Variants in CKMT1A observed in about 807,000 individuals in gnomAD.
The protein encoded by CKMT1A is creatine kinase, mitochondrial 1A.
CKMT1A carries 23 observed loss-of-function variants against 21.8 expected under a neutral mutation model. That is an observed-to-expected ratio of 1.05 (90% CI 0.76 to 1.49). CKMT1A has a LOEUF of 1.49. CKMT1A is among the 40% of genes most tolerant of loss of function. The pLI, the probability that CKMT1A is intolerant of heterozygous loss-of-function variation, is 0.00. For missense variants in CKMT1A, 154 were observed against 229.4 expected, an observed-to-expected ratio of 0.67 and a Z score of 2.12; for synonymous variants, 67 against 80.4, an observed-to-expected ratio of 0.83 and a Z score of 0.89.
intron 4 of CKMT1A, 59 bp downstream of exon 4, chr15:43,695,968 G>A: frequency 2.8e-6 from 1 of 356,734 alleles, no homozygotes; most frequent in Non-Finnish European, 4.8e-6. Flanking sequence ...TGGGCCAGAT[G>A]AGACATGGGC....
At chr15:43,697,594 G>C (rs1483785957) in intron 6 of CKMT1A, 1 of 984,060 alleles carries the variant, frequency 1.0e-6, no homozygotes, top group Non-Finnish European at 1.2e-6. Context: ...ACCTCTTCCT[G>C]GCAAAGCTTA....
At chr15:43,697,486 C>G in intron 6 of CKMT1A, 1 of 984,196 alleles carries the variant, frequency 1.0e-6, no homozygotes, top group Non-Finnish European at 1.2e-6. Context: ...TGCCTTCCCC[C>G]TGTCCCCTAT....
chr15:43,698,016 G>A lies in CKMT1A; in HGVS notation c.879G>A (p.Val293=). Residue 293 remains valine (V), a splice_region_variant and synonymous_variant, in exon 7 of 9, where the codon GTG becomes GTA. Coordinates refer to ENST00000413453, the MANE Select transcript of CKMT1A (RefSeq NM_001321926.2). Reference sequence around the variant, plus strand: ...TAATAAAAACTTTGTGGACTCAGGTGGAGAGACTTATCCAAGAACGTGGCT... The same window carrying A: ...TAATAAAAACTTTGTGGACTCAGGTAGAGAGACTTATCCAAGAACGTGGCT... ...FERFCRGLKE[V]ERLIQERGWE... The A allele has an allele frequency of 6.2e-7, 1 of 1,613,716 alleles. No individual in the cohort carries two copies. Among genetic ancestry groups the A allele is most frequent in the Non-Finnish European group, 8.5e-7 (1 of 1,179,808 alleles).
intron 6 of CKMT1A, 156 bp from the exon 7 acceptor site, chr15:43,697,858 A>G: frequency 1.0e-6 from 1 of 982,660 alleles, no homozygotes; most frequent in Non-Finnish European, 1.2e-6. Context: ...AACAATAACA[A>G]ACCTTTTTCA....
chr15:43,696,559 T>A (rs1230530506), intron 6 of CKMT1A, 196 bp downstream of exon 6: 3 of 815,864 alleles, frequency 3.7e-6, no homozygotes, highest in Non-Finnish European at 5.7e-6. Context: ...GTGGTCACAC[T>A]AAGATTAGGA....
chr15:43,698,096 T>C lies in CKMT1A; in HGVS notation c.959T>C (p.Leu320Pro). The change falls in exon 7 of 9, where the codon CTG (leucine) becomes CCG (proline). Residue 320 changes from leucine (L) to proline (P), a missense_variant. Physicochemically the swap from Leu to Pro is moderately conservative, Grantham distance 98. Coordinates refer to ENST00000413453, the MANE Select transcript of CKMT1A (RefSeq NM_001321926.2). ...TACATCTTGACCTGTCCATCTAACC[T>C]GGGCACTGGACTTCGGGCAGGAGTG... is the stretch of plus-strand genomic sequence containing the variant. The part of the protein sequence containing the change: ...LGYILTCPSN[L>P]GTGLRAGVHI... 2 of 1,613,046 alleles carry C rather than the reference T, an allele frequency of 1.2e-6. No individual in the cohort carries two copies. The highest frequency in any genetic ancestry group is 1.7e-6 in the Non-Finnish European group (2 of 1,179,278).
In CKMT1A at chr15:43,695,916, GC is replaced by G. The variant is rs1567142668; in HGVS notation, c.666+9del. On this transcript the variant is annotated splice_region_variant and intron_variant, in intron 4 of 8. Transcript: ENST00000413453. ...ACAGCAGCAGCTTATTGATGTGAGG[GC>G]CTTAAGAGGGTGCTGGTTGGTGGGA... is the stretch of plus-strand genomic sequence containing the variant. 1 of 273,048 alleles carries G rather than the reference GC, an allele frequency of 3.7e-6. No individual in the cohort carries two copies. The allele number at this position is 273,048 out of a possible 1,614,324, so 16.9% of individuals were successfully genotyped here. A position where few individuals can be genotyped will look rare whatever the true frequency, so the allele number is the denominator to read the frequency against.
Position 43,699,016 on chromosome 15 carries a change from T to C in CKMT1A, c.1181T>C (p.Ile394Thr), listed in dbSNP as rs753122921. 1.5e-5 allele frequency: 25 copies of C among 1,613,352 alleles called. No homozygotes were observed. The highest frequency in any genetic ancestry group is 1.2e-4 in the Admixed American group (7 of 59,952). Reference sequence around the variant, plus strand: ...GTCATCGATGGAGTAAACTATTTGATTGATTGTGAACGGCGTCTGGAGAGA... The same window carrying C: ...GTCATCGATGGAGTAAACTATTTGACTGATTGTGAACGGCGTCTGGAGAGA... ...QLVIDGVNYL[I>T]DCERRLERGQ... The change falls in exon 9 of 9, where the codon ATT becomes ACT. Residue 394 changes from isoleucine (I) to threonine (T), a missense_variant. Physicochemically the swap from Ile to Thr is moderately conservative, Grantham distance 89. Coordinates refer to ENST00000413453, the MANE Select transcript of CKMT1A (RefSeq NM_001321926.2).
chr15:43,697,860 C>T (rs973435381), intron 6 of CKMT1A, 154 bp from the exon 7 acceptor site: 2 of 982,136 alleles, frequency 2.0e-6, no homozygotes, highest in Non-Finnish European at 2.4e-6. Flanking sequence ...CAATAACAAA[C>T]CTTTTTCATT....
In CKMT1A at chr15:43,699,205, A is replaced by G. The variant is rs865780549; in HGVS notation, c.*116A>G. On this transcript the variant is annotated 3_prime_UTR_variant, in exon 9 of 9. Coordinates refer to ENST00000413453, the MANE Select transcript of CKMT1A (RefSeq NM_001321926.2). ...ATCCCCTGCCTCCATCCTAGTAAAGACTCCTTGCTATGCTGCAGCTGTCTG... is the reference window on the plus strand; with the variant it reads ...ATCCCCTGCCTCCATCCTAGTAAAGGCTCCTTGCTATGCTGCAGCTGTCTG... 6.6e-7 allele frequency: 1 copy of G among 1,510,002 alleles called. No individual in the cohort carries two copies. Among genetic ancestry groups the G allele is most frequent in the South Asian group, 1.2e-5 (1 of 82,160 alleles). 93.5% of individuals were successfully genotyped at this position (1,510,002 alleles called of 1,614,324 possible).
At chr15:43,698,808 G>C (rs377571468) in intron 8 of CKMT1A, 42 bp downstream of exon 8, 2 of 1,611,304 alleles carry the variant, frequency 1.2e-6, no homozygotes, top group Non-Finnish European at 1.7e-6. Flanking sequence ...GTATAGGTCT[G>C]TGGGGGCTGA....
At chr15:43,697,367 C>A (rs778443861) in intron 6 of CKMT1A, 2 of 1,228,986 alleles carry the variant, frequency 1.6e-6, no homozygotes, top group Non-Finnish European at 2.1e-6. Flanking sequence ...CAAACAGGAT[C>A]CCTTTACTCA....
intron 6 of CKMT1A, 153 bp from the exon 7 acceptor site, chr15:43,697,861 C>A (rs921887733): frequency 3.1e-5 from 30 of 982,616 alleles, no homozygotes; most frequent in African/African-American, 3.5e-5. Context: ...AATAACAAAC[C>A]TTTTTCATTT....
At chr15:43,697,613 T>C in intron 6 of CKMT1A, 1 of 984,566 alleles carries the variant, frequency 1.0e-6, no homozygotes, top group Non-Finnish European at 1.2e-6. Context: ...TACACCTTCA[T>C]CTTCTGTCTG....
At position 43,697,696 on chromosome 15, in the gene CKMT1A, T is replaced by G. The variant is rs2086470422; in HGVS notation, c.877-318T>G. 3.0e-6 allele frequency: 3 copies of G among 984,712 alleles called. No homozygotes were observed. The Admixed American group carries it at 1.8e-4, about 61-fold the overall frequency. The allele number at this position is 984,712 out of a possible 1,614,324, so 61.0% of individuals were successfully genotyped here. Reference sequence around the variant, plus strand: ...GATGCATGCAGACCTCATTGAATAATCAGTCCTCTCTCAGTTCAGTTTACC... The same window carrying G: ...GATGCATGCAGACCTCATTGAATAAGCAGTCCTCTCTCAGTTCAGTTTACC... On this transcript the variant is annotated intron_variant, in intron 6 of 8. Transcript: ENST00000413453.
In CKMT1A at chr15:43,699,058, T is replaced by G. The variant is rs773143804; in HGVS notation, c.1223T>G (p.Ile408Ser). ...RRLERGQDIR[I>S]PTPVIHTKH is the part of the protein sequence containing the mutation. ...CTGGAGAGAGGCCAGGATATCCGCA[T>G]CCCCACACCTGTCATCCACACCAAG... Residue 408 changes from isoleucine to serine, a missense_variant, in exon 9 of 9, where the codon ATC becomes AGC. Coordinates refer to ENST00000413453, the MANE Select transcript of CKMT1A (RefSeq NM_001321926.2). 1 of 1,613,386 alleles carries G rather than the reference T, an allele frequency of 6.2e-7. No homozygotes were observed.
In CKMT1A at chr15:43,699,037, A is replaced by G; in HGVS notation, c.1202A>G (p.Glu401Gly). 1 of 1,613,486 alleles carries G rather than the reference A, an allele frequency of 6.2e-7. No homozygotes were observed. The highest frequency in any genetic ancestry group is 8.5e-7 in the Non-Finnish European group (1 of 1,179,862). ...TTGATTGATTGTGAACGGCGTCTGG[A>G]GAGAGGCCAGGATATCCGCATCCCC... ...NYLIDCERRL[E>G]RGQDIRIPTP... is the part of the protein sequence containing the mutation. Residue 401 changes from glutamate to glycine, a missense_variant, in exon 9 of 9, where the codon GAG becomes GGG. Physicochemically the swap from Glu to Gly is moderately conservative, Grantham distance 98. Transcript: ENST00000413453.
intron 6 of CKMT1A, chr15:43,697,576 G>A (rs1473836338): frequency 1.5e-5 from 15 of 984,164 alleles, no homozygotes; most frequent in Middle Eastern, 5.2e-4. Flanking sequence ...CTAATAGAAC[G>A]TTATCTCACC....
chr15:43,698,567 G>C (rs1421449485), intron 7 of CKMT1A, 74 bp from the exon 8 acceptor site: 6 of 1,516,916 alleles, frequency 4.0e-6, no homozygotes, highest in Non-Finnish European at 5.3e-6. Flanking sequence ...GCTCTGAGCA[G>C]GTTCAGGGCT....
Sources: gnomAD v4.1 joint callset for allele counts on GRCh38, gnomAD v4.1.1 for gene constraint, MANE v1.5 for transcripts, NCBI Gene and HGNC (gene_info 2026-07-23, HGNC 2026-07-21) for gene names.